Variants in ZNF547 observed in about 807,000 individuals in gnomAD.
ZNF547 encodes zinc finger protein 547.
In ZNF547, 4 loss-of-function variants were observed where a neutral mutation model predicts 7.7. The observed-to-expected ratio is 0.52, with a 90% CI of 0.26 to 1.20. The LOEUF (loss-of-function observed/expected upper bound fraction) is 1.20. ZNF547 is among the 50% of genes most tolerant of loss of function. ZNF547 has a pLI of 0.14. For synonymous variants in ZNF547, 166 were observed against 166.2 expected, an observed-to-expected ratio of 1.00 and a Z score of 0.01; for missense variants, 449 against 485.8, an observed-to-expected ratio of 0.92 and a Z score of 0.71.
rs2088546800 is a variant in ZNF547, at chr19:57,377,762, C to T, written c.786C>T (p.His262=). Residue 262 remains histidine (H), a synonymous_variant, in exon 4 of 4, where the codon CAC becomes CAT. Transcript: ENST00000282282. ...SSTLITHQRV[H]TGKRPYGCSE... Reference sequence around the variant, plus strand: ...CACTCATTACACATCAGAGGGTTCACACTGGAAAGAGGCCTTATGGTTGCA... The same window carrying T: ...CACTCATTACACATCAGAGGGTTCATACTGGAAAGAGGCCTTATGGTTGCA... 6.2e-7 allele frequency: 1 copy of T among 1,614,196 alleles called. No individual in the cohort carries two copies. Among genetic ancestry groups the T allele is most frequent in the Non-Finnish European group, 8.5e-7 (1 of 1,180,042 alleles).
rs377463546 is a variant in ZNF547, at chr19:57,378,024, C to T, written c.1048C>T (p.Arg350Trp). ...IQHQRVHTGE[R>W]PYECSECGKA... is the part of the protein sequence containing the mutation. The stretch of plus-strand genomic sequence containing the variant: ...ACACCAAAGAGTTCACACTGGAGAA[C>T]GGCCTTATGAATGCAGTGAGTGTGG... The change falls in exon 4 of 4, where the codon CGG becomes TGG. Residue 350 changes from arginine (R) to tryptophan (W), a missense_variant. By Grantham distance (101) the Arg-to-Trp change is moderately radical. Coordinates refer to ENST00000282282, the MANE Select transcript of ZNF547 (RefSeq NM_173631.4). 55 of 1,613,934 alleles carry T rather than the reference C, an allele frequency of 3.4e-5. No individual in the cohort carries two copies. Among genetic ancestry groups the T allele is most frequent in the African/African-American group, 3.2e-4 (24 of 74,948 alleles).
Position 57,378,077 on chromosome 19 carries a change from C to A in ZNF547, c.1101C>A (p.Leu367=). ...AGGCCTTCCTTACAAAGTCCCACCTCATTTGTCATCAGACAGTTCACACTG... is the reference window on the plus strand; with the variant it reads ...AGGCCTTCCTTACAAAGTCCCACCTAATTTGTCATCAGACAGTTCACACTG... The part of the protein sequence containing the change: ...CGKAFLTKSH[L]ICHQTVHTAA... Residue 367 remains leucine, a synonymous_variant, in exon 4 of 4, where the codon CTC becomes CTA. Transcript: ENST00000282282. 2.5e-6 allele frequency: 4 copies of A among 1,614,000 alleles called. No individual in the cohort carries two copies. The highest frequency in any genetic ancestry group is 3.4e-6 in the Non-Finnish European group (4 of 1,179,984).
intron 3 of ZNF547, among the ~76,000 whole-genome samples, chr19:57,373,713 A>G (rs1186523219): frequency 1.3e-5 from 2 of 152,210 alleles, no homozygotes; most frequent in African/African-American, 2.4e-5. Flanking sequence ...TGCAAGTCCA[A>G]AACCCAGCGA....
At chr19:57,374,199 C>T (rs1416499042) in intron 3 of ZNF547, among the ~76,000 whole-genome samples, 1 of 152,258 alleles carries the variant, frequency 6.6e-6, no homozygotes, top group Non-Finnish European at 1.5e-5. Context: ...ACACCATGTG[C>T]AAGCCACCAA....
chr19:57,364,696 G>A lies in ZNF547; in HGVS notation c.-13+993G>A, dbSNP rs551109477. The A allele has an allele frequency of 2.7e-5, 19 of 714,718 alleles. No homozygotes were observed. The East Asian group carries it at 4.6e-4, about 17-fold the overall frequency. The allele number at this position is 714,718 out of a possible 1,614,324, so 44.3% of individuals were successfully genotyped here. A position where few individuals can be genotyped will look rare whatever the true frequency, so the allele number is the denominator to read the frequency against. ...GTGGAGATTGCAGTGAGCCAAGATC[G>A]CGCCATTGCACTCCAGCCTGGGCGA... On this transcript the variant is annotated intron_variant, in intron 1 of 3. Coordinates refer to ENST00000282282, the MANE Select transcript of ZNF547 (RefSeq NM_173631.4).
At chr19:57,370,222 CT>C (rs2088496550) in intron 2 of ZNF547, among the ~76,000 whole-genome samples, 1 of 152,106 alleles carries the variant, frequency 6.6e-6, no homozygotes, top group Non-Finnish European at 1.5e-5. Context: ...GGAAGCATAA[CT>C]CGGAGGCCTC....
Position 57,365,285 on chromosome 19 carries a change from C to G in ZNF547, c.-13+1582C>G, listed in dbSNP as rs779127235. ...GAGAAAATTCCAAAATAAATTATATCACCACAATGGTGTATACTCAGGAAT... is the reference window on the plus strand; with the variant it reads ...GAGAAAATTCCAAAATAAATTATATGACCACAATGGTGTATACTCAGGAAT... On this transcript the variant is annotated intron_variant, in intron 1 of 3. Transcript: ENST00000282282. 3 of 1,410,470 alleles carry G rather than the reference C, an allele frequency of 2.1e-6. No individual in the cohort carries two copies. The African/African-American group carries it at 4.3e-5, about 20-fold the overall frequency. The allele number at this position is 1,410,470 out of a possible 1,614,324, so 87.4% of individuals were successfully genotyped here.
At position 57,366,025 on chromosome 19, in the gene ZNF547, T is replaced by A. The variant is rs2088466927; in HGVS notation, c.-13+2322T>A. Among the ~76,000 whole-genome samples, 4 of 149,958 alleles carry A rather than the reference T, an allele frequency of 2.7e-5. No individual in the cohort carries two copies. The South Asian group carries it at 8.5e-4, about 32-fold the overall frequency. On this transcript the variant is annotated intron_variant, in intron 1 of 3. Coordinates refer to ENST00000282282, the MANE Select transcript of ZNF547 (RefSeq NM_173631.4). ...GATTACAGGCATGCACCACCACGCCTGGCTAATTTTTGTATTTTTAGTAAA... is the reference window on the plus strand; with the variant it reads ...GATTACAGGCATGCACCACCACGCCAGGCTAATTTTTGTATTTTTAGTAAA...
At chr19:57,375,661 CAAAAAAAAAAAAAAAAA>C (rs67290425) in intron 3 of ZNF547, among the ~76,000 whole-genome samples, 2 of 91,498 alleles carry the variant, frequency 2.2e-5, no homozygotes, top group Non-Finnish European at 2.2e-5. Flanking sequence ...GAGTTTGTCT[CAAAAAAAAAAAAAAAAA>C]AAAAAAAAAG....
chr19:57,376,008 CAAT>C (rs960539147), intron 3 of ZNF547, among the ~76,000 whole-genome samples: 1 of 152,034 alleles, frequency 6.6e-6, no homozygotes, highest in African/African-American at 2.4e-5. Context: ...ACTAAAAATA[CAAT>C]AATTAGCCAG....
In ZNF547 at chr19:57,378,877, CCACCATATTTTTAA is replaced by C. The variant is rs2088556930; in HGVS notation, c.*693_*706del. The C allele has an allele frequency of 3.3e-6, 1 of 299,850 alleles. No homozygotes were observed. 18.6% of individuals were successfully genotyped at this position (299,850 alleles called of 1,614,324 possible). On this transcript the variant is annotated 3_prime_UTR_variant, in exon 4 of 4. Transcript: ENST00000282282. Reference sequence around the variant, plus strand: ...TCCCACATTCTTCAGTCCCTGGCGACCACCATATTTTTAAGTCATTATGACTCTGACTATTCTTG... The same window carrying C: ...TCCCACATTCTTCAGTCCCTGGCGACGTCATTATGACTCTGACTATTCTTG...
Position 57,368,570 on chromosome 19 carries a change from C to T in ZNF547, c.15C>T (p.Asn5=), listed in dbSNP as rs957996044. The part of the protein sequence containing the change: MAEM[N]PAQGHVVFED... ...GTCCCCTGGCGATGGCAGAAATGAA[C>T]CCTGCACAGGTGAGTGGAGTGTTTT... The change falls in exon 2 of 4, where the codon AAC becomes AAT. Residue 5 remains asparagine (N), a synonymous_variant. Transcript: ENST00000282282. The T allele has an allele frequency of 3.1e-6, 5 of 1,614,020 alleles. No homozygotes were observed. The African/African-American group carries it at 5.3e-5, about 17-fold the overall frequency.
intron 1 of ZNF547, among the ~76,000 whole-genome samples, chr19:57,366,239 A>G (rs2088468758): frequency 6.7e-6 from 1 of 149,830 alleles, no homozygotes; most frequent in Non-Finnish European, 1.5e-5. Context: ...TTTGTTTTTG[A>G]GATGGAGTCT....
intron 3 of ZNF547, among the ~76,000 whole-genome samples, chr19:57,375,757 A>C (rs2088532587): frequency 6.7e-6 from 1 of 149,698 alleles, no homozygotes; most frequent in African/African-American, 2.4e-5. Flanking sequence ...CATGGTTGGG[A>C]GGTCTCAGGA....
intron 3 of ZNF547, among the ~76,000 whole-genome samples, chr19:57,374,179 C>T (rs1462560729): frequency 1.3e-5 from 2 of 152,226 alleles, no homozygotes. Flanking sequence ...TCTTTGCACC[C>T]ACAGGCCCAA....
chr19:57,366,137 A>G (rs1344779922), intron 1 of ZNF547, among the ~76,000 whole-genome samples: 1 of 151,918 alleles, frequency 6.6e-6, no homozygotes. Context: ...TGCTGGGATT[A>G]CAGGTGTGAG....
At chr19:57,369,970 G>A (rs2088494997) in intron 2 of ZNF547, among the ~76,000 whole-genome samples, 1 of 123,364 alleles carries the variant, frequency 8.1e-6, no homozygotes, top group Non-Finnish European at 1.6e-5. Flanking sequence ...TCGGCTCACT[G>A]CAATCTCTCC....
chr19:57,371,603 T>G, intron 2 of ZNF547, 179 bp from the exon 3 acceptor site: 1 of 948,034 alleles, frequency 1.1e-6, no homozygotes, highest in Non-Finnish European at 1.5e-6. Context: ...TTTGAGAAAG[T>G]TAGAGATGGA....
chr19:57,365,858 C>T (rs1362754785), intron 1 of ZNF547, among the ~76,000 whole-genome samples: 4 of 144,728 alleles, frequency 2.8e-5, no homozygotes, highest in Non-Finnish European at 6.0e-5. Context: ...TTCTTTCTTT[C>T]TTTCTTTTTT....
Sources: allele counts gnomAD v4.1 joint callset (sites outside exome capture counted in the v4.1 genomes callset), GRCh38; gene constraint gnomAD v4.1.1; transcripts MANE v1.5; gene names NCBI Gene and HGNC (gene_info 2026-07-23, HGNC 2026-07-21).